Variants in CDH12 observed in about 807,000 individuals in gnomAD.
CDH12 encodes cadherin 12, also known as cadherin-12.
CDH12 carries 41 observed loss-of-function variants against 74.1 expected under a neutral mutation model. That is an observed-to-expected ratio of 0.55 (90% CI 0.43 to 0.72). The LOEUF (loss-of-function observed/expected upper bound fraction) is 0.72, where lower values mean the gene tolerates loss of function less well. Ranked by LOEUF, CDH12 falls within the 30% of genes least tolerant of loss-of-function variation. The probability of loss-of-function intolerance (pLI) is 0.00; values close to 1 mark genes in which losing one functional copy is unlikely to be tolerated. For missense variants in CDH12, 945 were observed against 977.2 expected (o/e 0.97, Z 0.44); for synonymous variants, 399 against 355.0 (o/e 1.12, Z -1.39).
At chr5:22,030,168 G>A (rs2150171928) in intron 5 of CDH12, among the ~76,000 whole-genome samples, 1 of 151,796 alleles carries the variant, frequency 6.6e-6, no homozygotes, top group Admixed American at 6.6e-5. Context: ...AATGCTAAAT[G>A]ATGAGTTAAT....
intron 2 of CDH12, among the ~76,000 whole-genome samples, chr5:22,481,391 CTG>C (rs1361528310): frequency 1.3e-5 from 2 of 152,158 alleles, no homozygotes; most frequent in Non-Finnish European, 2.9e-5. Context: ...AAAGAAATAT[CTG>C]TACCTTCATG....
chr5:22,038,872 T>C (rs1739369669), intron 5 of CDH12, among the ~76,000 whole-genome samples: 1 of 152,166 alleles, frequency 6.6e-6, no homozygotes, highest in South Asian at 2.1e-4. Flanking sequence ...CCAACTAGGC[T>C]AAAATGCCCT....
intron 8 of CDH12, among the ~76,000 whole-genome samples, chr5:21,831,178 T>G (rs1749002437): frequency 6.6e-6 from 1 of 152,126 alleles, no homozygotes; most frequent in Non-Finnish European, 1.5e-5. Context: ...TAGTCACATA[T>G]AGGGCTCCTA....
At position 21,888,311 on chromosome 5, in the gene CDH12, C is replaced by T. The variant is rs4385174; in HGVS notation, c.527-33521G>A. ...GAAACTTAGAGACTTACTTTTCAGA[C>T]TTTAAAAAGATGACTAGTATTTCAT... On this transcript the variant is annotated intron_variant, in intron 6 of 14. Transcript: ENST00000382254. 7.0e-3 allele frequency among the ~76,000 whole-genome samples: 1,058 copies of T among 152,220 alleles called. 8 individuals carry two copies. The highest frequency in any genetic ancestry group is 0.024 in the African/African-American group (994 of 41,544).
chr5:22,072,628 G>A (rs1455163177), intron 5 of CDH12, among the ~76,000 whole-genome samples: 2 of 151,122 alleles, frequency 1.3e-5, no homozygotes, highest in Non-Finnish European at 2.9e-5. Context: ...CAATGTGCAG[G>A]TTTGTTACAT....
In CDH12 at chr5:22,119,108, G is replaced by A. The variant is rs373921822; in HGVS notation, c.-186-40246C>T. Among the ~76,000 whole-genome samples the A allele has an allele frequency of 3.8e-4, 58 of 152,176 alleles. 2 individuals carry two copies. In the South Asian group the frequency reaches 0.012, roughly 32 times the overall value. ...CTTGAGTGCTGAGAAAGTAAAGACT[G>A]TGTACATTACATGCAGATTTCGTTG... On this transcript the variant is annotated intron_variant, in intron 4 of 14. Transcript: ENST00000382254.
intron 7 of CDH12, among the ~76,000 whole-genome samples, chr5:21,850,647 T>C (rs923608244): frequency 3.3e-5 from 5 of 151,480 alleles, no homozygotes; most frequent in African/African-American, 1.2e-4. Flanking sequence ...GGCTTGAAGA[T>C]AATTATCTCT....
chr5:21,931,012 T>C (rs753120427), intron 6 of CDH12, among the ~76,000 whole-genome samples: 16 of 152,180 alleles, frequency 1.1e-4, no homozygotes, highest in Non-Finnish European at 2.4e-4. Flanking sequence ...TGCCAAAATG[T>C]CTCGAGCTTT....
intron 3 of CDH12, among the ~76,000 whole-genome samples, chr5:22,355,034 A>C (rs1740503360): frequency 6.6e-6 from 1 of 152,124 alleles, no homozygotes; most frequent in African/African-American, 2.4e-5. Context: ...TGCCTATATT[A>C]AACCCACAAA....
intron 5 of CDH12, among the ~76,000 whole-genome samples, chr5:22,054,698 A>G (rs1006692270): frequency 6.6e-6 from 1 of 152,164 alleles, no homozygotes. Flanking sequence ...TATGGAGTCT[A>G]TTGATGTGAT....
intron 2 of CDH12, among the ~76,000 whole-genome samples, chr5:22,429,473 A>G (rs1230762648): frequency 6.6e-6 from 1 of 152,040 alleles, no homozygotes; most frequent in African/African-American, 2.4e-5. Context: ...CTTTATACTC[A>G]ACCTCAAGGG....
At chr5:22,743,487 G>A in intron 1 of CDH12, among the ~76,000 whole-genome samples, 1 of 151,774 alleles carries the variant, frequency 6.6e-6, no homozygotes, top group East Asian at 1.9e-4. Flanking sequence ...TCTTCTGTGA[G>A]AGACAAAAAG....
chr5:22,505,454 G>A (rs1736343078), intron 1 of CDH12, 90 bp from the exon 2 acceptor site: 1 of 366,134 alleles, frequency 2.7e-6, no homozygotes, highest in African/African-American at 2.2e-5. Flanking sequence ...CTTAAAAGTT[G>A]CAAAGATGGT....
intron 3 of CDH12, among the ~76,000 whole-genome samples, chr5:22,229,327 A>G (rs1321871634): frequency 4.2e-5 from 6 of 143,848 alleles, no homozygotes. Context: ...AATCAAGTAC[A>G]TATGCAATTT....
rs1313074142 is a variant in CDH12 at position 21,812,969 on chromosome 5, C to T, written c.1002+3976G>A. ...AGTCTCAAATGCTTGGTGTAATTTACCAGATGATGATAATATTTATACAAA... is the reference window on the plus strand; with the variant it reads ...AGTCTCAAATGCTTGGTGTAATTTATCAGATGATGATAATATTTATACAAA... On this transcript the variant is annotated intron_variant, in intron 9 of 14. Transcript: ENST00000382254. Among the ~76,000 whole-genome samples the T allele has an allele frequency of 2.6e-5, 4 of 152,146 alleles. No homozygotes were observed. In the East Asian group the frequency reaches 7.7e-4, roughly 29 times the overall value.
intron 1 of CDH12, among the ~76,000 whole-genome samples, chr5:22,832,642 AC>A (rs1319641142): frequency 2.6e-5 from 4 of 152,290 alleles, no homozygotes; most frequent in African/African-American, 9.6e-5. Context: ...TCTAATTATA[AC>A]ACAGATATTC....
rs1469986811 is a variant in CDH12 at position 22,658,028 on chromosome 5, C to G, written c.-522-152664G>C. Among the ~76,000 whole-genome samples, 7 of 152,152 alleles carry G rather than the reference C, an allele frequency of 4.6e-5. No homozygotes were observed. In the East Asian group the frequency reaches 1.3e-3, roughly 29 times the overall value. On this transcript the variant is annotated intron_variant, in intron 1 of 14. Coordinates refer to ENST00000382254, the MANE Select transcript of CDH12 (RefSeq NM_004061.5). ...GGCTTCATTAAATATATTCAAATCT[C>G]CTGGTCTGAAAATGAAAATAACAAA...
At chr5:22,494,409 C>T (rs956475891) in intron 2 of CDH12, among the ~76,000 whole-genome samples, 17 of 152,334 alleles carry the variant, frequency 1.1e-4, no homozygotes, top group Admixed American at 3.3e-4. Flanking sequence ...GAGCTGCGGG[C>T]AGGCTCCGGC....
chr5:22,400,798 T>C (rs1465038537), intron 3 of CDH12, among the ~76,000 whole-genome samples: 2 of 152,164 alleles, frequency 1.3e-5, no homozygotes, highest in Non-Finnish European at 2.9e-5. Context: ...GAACATTCTA[T>C]AAATGTTAGT....
Sources: gnomAD v4.1 joint callset for allele counts (sites outside exome capture counted in the v4.1 genomes callset) on GRCh38, gnomAD v4.1.1 for gene constraint, MANE v1.5 for transcripts, NCBI Gene and HGNC (gene_info 2026-07-23, HGNC 2026-07-21) for gene names.